The following RPS6KA5 variants were observed in gnomAD, a reference collection of about 807,000 sequenced individuals.
The protein encoded by RPS6KA5 is ribosomal protein S6 kinase A5.
A neutral mutation model predicts 85.5 loss-of-function variants in RPS6KA5; 27 were observed. That is an observed-to-expected ratio of 0.32 (90% CI 0.23 to 0.44). RPS6KA5 has a LOEUF of 0.44. Among genes scored for constraint, RPS6KA5 ranks in the 20% least tolerant of loss-of-function variants. The pLI, the probability that RPS6KA5 is intolerant of heterozygous loss-of-function variation, is 1.00. For synonymous variants in RPS6KA5, 334 were observed against 348.2 expected (o/e 0.96, Z 0.46); for missense variants, 811 against 980.9 (o/e 0.83, Z 2.31).
intron 3 of RPS6KA5, among the ~76,000 whole-genome samples, chr14:90,969,443 T>A (rs1046946807): frequency 6.6e-6 from 1 of 152,216 alleles, no homozygotes; most frequent in South Asian, 2.1e-4. Flanking sequence ...CACAGAGACA[T>A]TGGGTTACAT....
chr14:90,906,778 A>G (rs2035529241), intron 7 of RPS6KA5, among the ~76,000 whole-genome samples: 3 of 151,682 alleles, frequency 2.0e-5, no homozygotes. Flanking sequence ...AGGGGCCCAT[A>G]AGAATGCAGA....
Position 90,872,244 on chromosome 14 carries a change from T to C in RPS6KA5, c.2239A>G (p.Lys747Glu). The change falls in exon 17 of 17, where the codon AAA (lysine) becomes GAA (glutamate). Residue 747 changes from lysine to glutamate, a missense_variant. This residue lies in a region of RPS6KA5 where 650 missense variants were observed against 793.4 expected (regional missense o/e 0.82). Transcript: ENST00000614987. ...GTCTCGGTACTGGTGCTAGTCTTTTTCATTTTTCTTCTCTTAGCCAAAGGG... is the reference window on the plus strand; with the variant it reads ...GTCTCGGTACTGGTGCTAGTCTTTTCCATTTTTCTTCTCTTAGCCAAAGGG... ...KAPLAKRRKM[K>E]KTSTSTETRS... 7.4e-6 allele frequency: 12 copies of C among 1,614,064 alleles called. No individual in the cohort carries two copies. The highest frequency in any genetic ancestry group is 1.0e-5 in the Non-Finnish European group (12 of 1,180,012).
At chr14:91,002,987 G>A (rs1422265060) in intron 1 of RPS6KA5, among the ~76,000 whole-genome samples, 2 of 151,980 alleles carry the variant, frequency 1.3e-5, no homozygotes, top group Non-Finnish European at 2.9e-5. Context: ...TAAAATAAAC[G>A]ATGGCTTATC....
intron 1 of RPS6KA5, among the ~76,000 whole-genome samples, chr14:91,002,953 A>G (rs1038582544): frequency 6.6e-6 from 1 of 152,212 alleles, no homozygotes; most frequent in African/African-American, 2.4e-5. Flanking sequence ...TCTAAAATGA[A>G]TATCAAAAAC....
intron 2 of RPS6KA5, among the ~76,000 whole-genome samples, chr14:90,981,651 C>G (rs1264713633): frequency 6.6e-6 from 1 of 152,190 alleles, no homozygotes; most frequent in African/African-American, 2.4e-5. Context: ...CAATTGTGTT[C>G]ATCTATCAGA....
At chr14:90,922,011 A>C (rs2036423886) in intron 6 of RPS6KA5, among the ~76,000 whole-genome samples, 1 of 152,212 alleles carries the variant, frequency 6.6e-6, no homozygotes, top group Admixed American at 6.5e-5. Context: ...TTGCACATAC[A>C]AAGGCAAGAG....
intron 13 of RPS6KA5, among the ~76,000 whole-genome samples, chr14:90,891,154 G>T (rs999248786): frequency 3.3e-5 from 5 of 151,662 alleles, no homozygotes; most frequent in Admixed American, 2.0e-4. Context: ...CCATAAGGAC[G>T]GGGACTATGT....
At chr14:90,891,632 A>C (rs2034563556) in intron 13 of RPS6KA5, among the ~76,000 whole-genome samples, 1 of 152,212 alleles carries the variant, frequency 6.6e-6, no homozygotes, top group South Asian at 2.1e-4. Flanking sequence ...AGCTGAAATA[A>C]AACACATTAT....
chr14:91,032,044 G>A (rs1046579822), intron 1 of RPS6KA5, among the ~76,000 whole-genome samples: 1 of 152,120 alleles, frequency 6.6e-6, no homozygotes, highest in East Asian at 1.9e-4. Context: ...ATTATAGGCA[G>A]GTCCACTTAA....
intron 1 of RPS6KA5, among the ~76,000 whole-genome samples, chr14:91,020,534 C>CTGTGTGTGTGTGTGTGTG (rs34407471): frequency 9.1e-6 from 1 of 109,998 alleles, no homozygotes; most frequent in African/African-American, 3.9e-5. Flanking sequence ...TAAGGAATGA[C>CTGTGTGTGTGTGTGTGTG]TGTGTGTGTG....
In RPS6KA5 at chr14:90,868,889, T is replaced by C. The variant is rs2032926396; in HGVS notation, c.*3185A>G. 6.6e-6 allele frequency: 1 copy of C among 152,094 alleles called. No homozygotes were observed. Among genetic ancestry groups the C allele is most frequent in the Non-Finnish European group, 1.5e-5 (1 of 68,000 alleles). The allele number at this position is 152,094 out of a possible 1,614,324, so 9.4% of individuals were successfully genotyped here. On this transcript the variant is annotated 3_prime_UTR_variant, in exon 17 of 17. Coordinates refer to ENST00000614987, the MANE Select transcript of RPS6KA5 (RefSeq NM_004755.4). ...GTTAGTCATTTACATACTTAAGAAA[T>C]CAACAGTAATCTAAAAAAATTAAAA...
At chr14:91,030,804 G>T (rs1373967468) in intron 1 of RPS6KA5, among the ~76,000 whole-genome samples, 1 of 151,830 alleles carries the variant, frequency 6.6e-6, no homozygotes, top group East Asian at 1.9e-4. Context: ...TTTTAAATCT[G>T]TATAGGGGGA....
chr14:90,914,049 C>T (rs1174091412), intron 7 of RPS6KA5, among the ~76,000 whole-genome samples: 2 of 152,160 alleles, frequency 1.3e-5, no homozygotes, highest in African/African-American at 4.8e-5. Flanking sequence ...GTCGTGAACA[C>T]AGAAAACTAC....
intron 1 of RPS6KA5, among the ~76,000 whole-genome samples, chr14:91,008,527 C>T (rs900276235): frequency 3.3e-5 from 5 of 152,248 alleles, no homozygotes; most frequent in East Asian, 3.9e-4. Flanking sequence ...TTCTGGGCTA[C>T]GTGTTAGGTC....
At chr14:90,957,633 T>G (rs902699623) in intron 3 of RPS6KA5, among the ~76,000 whole-genome samples, 5 of 152,154 alleles carry the variant, frequency 3.3e-5, no homozygotes, top group Admixed American at 6.5e-5. Flanking sequence ...GGAGCATAAA[T>G]TACTCCATGG....
intron 3 of RPS6KA5, among the ~76,000 whole-genome samples, chr14:90,953,101 T>C (rs867742681): frequency 2.6e-5 from 4 of 152,132 alleles, no homozygotes; most frequent in Non-Finnish European, 4.4e-5. Flanking sequence ...AAGGGAGAGA[T>C]GTTGCGAGAA....
At chr14:91,024,174 A>G (rs866583174) in intron 1 of RPS6KA5, among the ~76,000 whole-genome samples, 1 of 152,138 alleles carries the variant, frequency 6.6e-6, no homozygotes, top group South Asian at 2.1e-4. Flanking sequence ...ACTTGTAAAT[A>G]TATTCATCAT....
At chr14:90,887,945 C>CAAAAAAAAAAAA (rs34947711) in intron 14 of RPS6KA5, among the ~76,000 whole-genome samples, 1 of 42,768 alleles carries the variant, frequency 2.3e-5, no homozygotes, top group Non-Finnish European at 3.7e-5. Flanking sequence ...GAGGCTATCG[C>CAAAAAAAAAAAA]AAAAAAAAAA....
intron 2 of RPS6KA5, among the ~76,000 whole-genome samples, chr14:90,983,463 G>A (rs1471844353): frequency 2.6e-5 from 4 of 151,336 alleles, no homozygotes. Context: ...ATGTGGGTGT[G>A]GTGGGGCATG....
Sources: gnomAD v4.1 joint callset for allele counts (sites outside exome capture counted in the v4.1 genomes callset) on GRCh38, gnomAD v4.1.1 for gene constraint, gnomAD v4.1.1 regional missense constraint, MANE v1.5 for transcripts, NCBI Gene and HGNC (gene_info 2026-07-23, HGNC 2026-07-21) for gene names.